Variants in IGHMBP2 observed in about 807,000 individuals in gnomAD.
The protein encoded by IGHMBP2 is DNA-binding protein SMUBP-2.
IGHMBP2 carries 81 observed loss-of-function variants against 96.0 expected under a neutral mutation model. The observed-to-expected ratio is 0.84, with a 90% CI of 0.71 to 1.01. The LOEUF (loss-of-function observed/expected upper bound fraction) is 1.01, where lower values mean the gene tolerates loss of function less well. IGHMBP2 is among the 50% of genes least tolerant of loss of function. IGHMBP2 has a pLI of 0.00. For synonymous variants in IGHMBP2, 557 were observed against 548.9 expected (o/e 1.01, Z -0.21); for missense variants, 1,227 against 1,306.3 (o/e 0.94, Z 0.94).
Position 68,939,721 on chromosome 11 carries a change from G to A in IGHMBP2, c.2972G>A (p.Arg991Lys). 1 of 1,609,800 alleles carries A rather than the reference G, an allele frequency of 6.2e-7. No individual in the cohort carries two copies. The highest frequency in any genetic ancestry group is 8.5e-7 in the Non-Finnish European group (1 of 1,178,700). Residue 991 changes from arginine (R) to lysine (K), a missense_variant, in exon 15 of 15, where the codon AGG (arginine) becomes AAG (lysine). By Grantham distance (26) the Arg-to-Lys change is conservative (BLOSUM62 2). Around this residue, in one of 3 missense-constraint regions of IGHMBP2, gnomAD observed 703 missense variants for 770.3 expected, o/e 0.91. Transcript: ENST00000255078. ...SNQRTSRRKE[R>K]GT ...CAGAGGACCAGCCGGAGGAAGGAGA[G>A]GGGGACGTGACCGGCCGCATCCTTG...
chr11:68,915,530 C>T (rs1384471155), intron 6 of IGHMBP2, among the ~76,000 whole-genome samples: 5 of 151,268 alleles, frequency 3.3e-5, no homozygotes, highest in Non-Finnish European at 5.9e-5. Context: ...TCACCCAGGC[C>T]GGAGTGTAGT....
chr11:68,938,355 G>A lies in IGHMBP2; in HGVS notation c.2784+1G>A. Reference sequence around the variant, plus strand: ...CTGCCTCAGCCACCACCTGCCCGAGGTATGTCGGCCTCCCCTCCTGCGATC... The same window carrying A: ...CTGCCTCAGCCACCACCTGCCCGAGATATGTCGGCCTCCCCTCCTGCGATC... On this transcript the variant is annotated splice_donor_variant, in intron 14 of 14. Transcript: ENST00000255078. LOFTEE classifies it high-confidence loss of function. The A allele has an allele frequency of 6.2e-7, 1 of 1,607,192 alleles. No homozygotes were observed. The highest frequency in any genetic ancestry group is 8.5e-7 in the Non-Finnish European group (1 of 1,177,878).
chr11:68,938,499 C>A, intron 14 of IGHMBP2, 145 bp downstream of exon 14: 1 of 718,994 alleles, frequency 1.4e-6, no homozygotes, highest in Non-Finnish European at 2.3e-6. Context: ...AGAAATCAGA[C>A]ACTGACTCAT....
Position 68,936,513 on chromosome 11 carries a change from A to G in IGHMBP2, c.2033A>G (p.Gln678Arg). 2 of 1,613,600 alleles carry G rather than the reference A, an allele frequency of 1.2e-6. No homozygotes were observed. Among genetic ancestry groups the G allele is most frequent in the Non-Finnish European group, 1.7e-6 (2 of 1,179,882 alleles). ...GCTACGTCCACCAGGACCGGAAGCC[A>G]GCGGCAGGAGGGAGGCCAGGAGGCT... The part of the protein sequence containing the change: ...GPATSTRTGS[Q>R]RQEGGQEAAA... The change falls in exon 13 of 15, where the codon CAG becomes CGG. Residue 678 changes from glutamine to arginine, a missense_variant. Gln to Arg is a conservative substitution (Grantham distance 43). Transcript: ENST00000255078.
At position 68,935,307 on chromosome 11, in the gene IGHMBP2, G is replaced by A. The variant is rs1315034866; in HGVS notation, c.1641G>A (p.Leu547=). 6.2e-7 allele frequency: 1 copy of A among 1,613,996 alleles called. No homozygotes were observed. Among genetic ancestry groups the A allele is most frequent in the Admixed American group, 1.7e-5 (1 of 60,018 alleles). The change falls in exon 12 of 15, where the codon CTG becomes CTA. Residue 547 remains leucine, a synonymous_variant. Coordinates refer to ENST00000255078, the MANE Select transcript of IGHMBP2 (RefSeq NM_002180.3). ...VVSPYNLQVD[L]LRQSLVHRHP... ...CCCGGCTGGTGTTTCAGGTGGACCT[G>A]CTCAGACAGAGCCTTGTGCACAGGC...
In IGHMBP2 at chr11:68,935,349, C is replaced by A. The variant is rs770848762; in HGVS notation, c.1683C>A (p.Ile561=). Residue 561 remains isoleucine, a synonymous_variant, in exon 12 of 15, where the codon ATC becomes ATA. Transcript: ENST00000255078. ...TGCACAGGCACCCTGAGCTTGAAAT[C>A]AAGTCTGTCGATGGCTTCCAAGGCC... ...SLVHRHPELE[I]KSVDGFQGRE... is the part of the protein sequence containing the mutation. The A allele has an allele frequency of 6.2e-7, 1 of 1,614,162 alleles. No homozygotes were observed.
rs797044803 is a variant in IGHMBP2, at chr11:68,938,355, G to T, written c.2784+1G>T. 4 of 1,607,074 alleles carry T rather than the reference G, an allele frequency of 2.5e-6. No homozygotes were observed. The highest frequency in any genetic ancestry group is 3.4e-6 in the Non-Finnish European group (4 of 1,177,886). Reference sequence around the variant, plus strand: ...CTGCCTCAGCCACCACCTGCCCGAGGTATGTCGGCCTCCCCTCCTGCGATC... The same window carrying T: ...CTGCCTCAGCCACCACCTGCCCGAGTTATGTCGGCCTCCCCTCCTGCGATC... On this transcript the variant is annotated splice_donor_variant, in intron 14 of 14. Coordinates refer to ENST00000255078, the MANE Select transcript of IGHMBP2 (RefSeq NM_002180.3). LOFTEE classifies it high-confidence loss of function.
chr11:68,909,285 T>G (rs929586149), intron 4 of IGHMBP2, among the ~76,000 whole-genome samples: 9 of 150,116 alleles, frequency 6.0e-5, no homozygotes, highest in Admixed American at 1.3e-4. Context: ...GCTCAAGTGA[T>G]TCTCATGCCT....
chr11:68,915,150 T>A, intron 6 of IGHMBP2, 127 bp downstream of exon 6: 1 of 563,448 alleles, frequency 1.8e-6, no homozygotes, highest in African/African-American at 2.0e-5. Context: ...TTAATAATTT[T>A]AAAAATTGGG....
intron 6 of IGHMBP2, among the ~76,000 whole-genome samples, chr11:68,916,975 C>CTT (rs11418103): frequency 0.03 from 3,087 of 103,208 alleles, 447 homozygotes; most frequent in African/African-American, 0.12. Context: ...AAGGTTACAT[C>CTT]TTTTTTTTTT....
intron 4 of IGHMBP2, among the ~76,000 whole-genome samples, chr11:68,909,714 G>A (rs970210359): frequency 1.3e-5 from 2 of 148,396 alleles, no homozygotes; most frequent in African/African-American, 5.0e-5. Flanking sequence ...TGCAACCTCC[G>A]CCTCCTGGGT....
Position 68,937,092 on chromosome 11 carries a change from G to T in IGHMBP2, c.2611+1G>T, listed in dbSNP as rs786205090. ...GAAAAGAAAAAGAAAAAAGCCAAAG[G>T]TAAGTCAACTAATAAGAACTTGGGG... is the stretch of plus-strand genomic sequence containing the variant. On this transcript the variant is annotated splice_donor_variant, in intron 13 of 14. Transcript: ENST00000255078. LOFTEE classifies it high-confidence loss of function. 53 of 1,596,868 alleles carry T rather than the reference G, an allele frequency of 3.3e-5. No individual in the cohort carries two copies. Among genetic ancestry groups the T allele is most frequent in the Non-Finnish European group, 4.5e-5 (53 of 1,179,818 alleles).
At chr11:68,931,687 C>T (rs1389755612) in intron 8 of IGHMBP2, among the ~76,000 whole-genome samples, 1 of 152,158 alleles carries the variant, frequency 6.6e-6, no homozygotes, top group Non-Finnish European at 1.5e-5. Context: ...GCAGCAGCCA[C>T]TGCCATCAGA....
Position 68,914,859 on chromosome 11 carries a change from AATCTGGTGGAGCGCCTG to A in IGHMBP2, c.749_765del (p.Asn250SerfsTer4), listed in dbSNP as rs1566430030. On this transcript the variant is annotated frameshift_variant, in exon 6 of 15. Coordinates refer to ENST00000255078, the MANE Select transcript of IGHMBP2 (RefSeq NM_002180.3). LOFTEE classifies it high-confidence loss of function. ...CGCCCCCTCCAACATCGCCGTGGAC[AATCTGGTGGAGCGCCTG>A]GCTCTGTGTAAGCAGCGGATTCTGC... 1 of 1,614,226 alleles carries A rather than the reference AATCTGGTGGAGCGCCTG, an allele frequency of 6.2e-7. No homozygotes were observed. The highest frequency in any genetic ancestry group is 2.2e-5 in the East Asian group (1 of 44,884).
intron 7 of IGHMBP2, 133 bp from the exon 8 acceptor site, chr11:68,929,050 A>G: frequency 1.1e-6 from 1 of 871,630 alleles, no homozygotes; most frequent in South Asian, 1.4e-5. Context: ...TTATTACAAG[A>G]TACAAATTTA....
At chr11:68,929,880 G>T (rs1436391461) in intron 8 of IGHMBP2, 4 of 976,112 alleles carry the variant, frequency 4.1e-6, no homozygotes, top group Non-Finnish European at 4.8e-6. Flanking sequence ...CTGATGCGGT[G>T]GCCTGGCCCA....
chr11:68,904,297 T>C (rs1278422646), intron 1 of IGHMBP2, among the ~76,000 whole-genome samples: 3 of 151,914 alleles, frequency 2.0e-5, no homozygotes, highest in Non-Finnish European at 4.4e-5. Flanking sequence ...AAGCTTACAC[T>C]CCTGGGCCCT....
At chr11:68,934,636 T>C in intron 11 of IGHMBP2, 78 bp downstream of exon 11, 3 of 1,160,844 alleles carry the variant, frequency 2.6e-6, no homozygotes, top group Non-Finnish European at 3.8e-6. Flanking sequence ...AAAGGGTGAT[T>C]TGTTGGCTGT....
intron 7 of IGHMBP2, among the ~76,000 whole-genome samples, chr11:68,920,338 C>T (rs1858833394): frequency 6.6e-6 from 1 of 152,216 alleles, no homozygotes; most frequent in Admixed American, 6.5e-5. Context: ...CTCCAGCAAT[C>T]CTCCCACATT....
Sources: gnomAD v4.1 joint callset for allele counts (sites outside exome capture counted in the v4.1 genomes callset) on GRCh38, gnomAD v4.1.1 for gene constraint, gnomAD v4.1.1 regional missense constraint, MANE v1.5 for transcripts, NCBI Gene and HGNC (gene_info 2026-07-23, HGNC 2026-07-21) for gene names.